ELAVL4: variants seen among roughly 807,000 people sequenced by gnomAD.
ELAVL4 encodes ELAV like RNA binding protein 4.
Under a neutral mutation model 35.6 loss-of-function variants are expected in ELAVL4, and 1 was observed. That is an observed-to-expected ratio of 0.03 (90% CI 0.01 to 0.13). The LOEUF is 0.13. Ranked by LOEUF, ELAVL4 falls within the 10% of genes least tolerant of loss-of-function variation. ELAVL4 has a pLI of 1.00. For synonymous variants in ELAVL4, 156 were observed against 171.0 expected (o/e 0.91, Z 0.69); for missense variants, 267 against 464.9 (o/e 0.57, Z 3.91).
intron 1 of ELAVL4, among the ~76,000 whole-genome samples, chr1:50,135,064 G>A (rs563850282): frequency 6.6e-6 from 1 of 152,216 alleles, no homozygotes; most frequent in African/African-American, 2.4e-5. Context: ...TGCTGGCCCT[G>A]CTATTTTAAG....
intron 1 of ELAVL4, among the ~76,000 whole-genome samples, chr1:50,142,738 C>G (rs1673038990): frequency 6.6e-6 from 1 of 152,128 alleles, no homozygotes; most frequent in Non-Finnish European, 1.5e-5. Flanking sequence ...TATACATACA[C>G]CCTATGATCC....
At chr1:50,097,052 C>CTAAAAA (rs948043493) in intron 1 of ELAVL4, among the ~76,000 whole-genome samples, 5 of 151,920 alleles carry the variant, frequency 3.3e-5, no homozygotes, top group Admixed American at 6.6e-5. Context: ...CTTGTCTCTA[C>CTAAAAA]TAAAAATAAA....
chr1:50,084,230 T>A (rs1665134928), intron 1 of ELAVL4, among the ~76,000 whole-genome samples: 2 of 152,234 alleles, frequency 1.3e-5, no homozygotes, highest in South Asian at 2.1e-4. Flanking sequence ...AGTAGTAATT[T>A]TTTTAAAGTT....
rs1644427290 is a variant in ELAVL4, at chr1:50,202,471, A to G, written c.*1293A>G. ...AATTCACTTTGTAGCCCATGCTGAT[A>G]GAATTGGGCTGTGTTGGTACATTTG... On this transcript the variant is annotated 3_prime_UTR_variant, in exon 7 of 7. Transcript: ENST00000371824. The G allele has an allele frequency of 6.6e-6, 1 of 152,200 alleles. No individual in the cohort carries two copies. Among genetic ancestry groups the G allele is most frequent in the African/African-American group, 2.4e-5 (1 of 41,464 alleles). 9.4% of individuals were successfully genotyped at this position (152,200 alleles called of 1,614,324 possible).
intron 1 of ELAVL4, among the ~76,000 whole-genome samples, chr1:50,059,494 A>T (rs1431810484): frequency 6.6e-6 from 1 of 151,886 alleles, no homozygotes; most frequent in African/African-American, 2.4e-5. Context: ...ATGAGATACC[A>T]CTTTACACCT....
chr1:50,108,826 A>G (rs1383687007), upstream of ELAVL4: 10 of 757,786 alleles, frequency 1.3e-5, no homozygotes, highest in Non-Finnish European at 1.5e-5. Context: ...ATAGCACCTG[A>G]TGTTGCAACG....
chr1:50,114,462 A>G (rs1188139465), intron 1 of ELAVL4, among the ~76,000 whole-genome samples: 1 of 152,050 alleles, frequency 6.6e-6, no homozygotes, highest in Non-Finnish European at 1.5e-5. Context: ...TAAGGGTAAA[A>G]AAAAAAGAAA....
In ELAVL4 at chr1:50,201,267, G is replaced by C. The variant is rs1003473537; in HGVS notation, c.*89G>C. 6 of 1,382,146 alleles carry C rather than the reference G, an allele frequency of 4.3e-6. No individual in the cohort carries two copies. In the African/African-American group the frequency reaches 5.9e-5, roughly 14 times the overall value. The allele number at this position is 1,382,146 out of a possible 1,614,324, so 85.6% of individuals were successfully genotyped here. Reference sequence around the variant, plus strand: ...CACACACACATACACGAAAGAGAGAGAAACAAACTTTTCAAGGCTTATATT... The same window carrying C: ...CACACACACATACACGAAAGAGAGACAAACAAACTTTTCAAGGCTTATATT... On this transcript the variant is annotated 3_prime_UTR_variant, in exon 7 of 7. Coordinates refer to ENST00000371824, the MANE Select transcript of ELAVL4 (RefSeq NM_001144774.3). This position sits in a 1 kb window ranked among gnomAD's most constrained non-coding sequence, Gnocchi z 4.3.
At chr1:50,086,627 A>G (rs1390061815) in intron 1 of ELAVL4, among the ~76,000 whole-genome samples, 2 of 152,044 alleles carry the variant, frequency 1.3e-5, no homozygotes, top group Non-Finnish European at 2.9e-5. Flanking sequence ...GACTCTCTGC[A>G]ATGGAATTAA....
chr1:50,110,142 G>A (rs1666817237), intron 1 of ELAVL4, among the ~76,000 whole-genome samples: 1 of 152,078 alleles, frequency 6.6e-6, no homozygotes, highest in African/African-American at 2.4e-5. Flanking sequence ...CTGAAAACCA[G>A]AATCCATCTC....
At position 50,109,016 on chromosome 1, in the gene ELAVL4, C is replaced by CGGGGGCGGGGGG; in HGVS notation, c.-174_-173insGGGGGCGGGGGG. ...CTCCTTTTCTTTTTTTTCTTTCTCT[C>CGGGGGCGGGGGG]CCCCGCCCACCCCCCCAAAAATAAT... On this transcript the variant is annotated 5_prime_UTR_variant, in exon 1 of 7. Transcript: ENST00000371824. 1.1e-6 allele frequency: 1 copy of CGGGGGCGGGGGG among 905,796 alleles called. No individual in the cohort carries two copies. Among genetic ancestry groups the CGGGGGCGGGGGG allele is most frequent in the Non-Finnish European group, 1.3e-6 (1 of 761,410 alleles). 56.1% of individuals were successfully genotyped at this position (905,796 alleles called of 1,614,324 possible).
At chr1:50,099,385 A>G (rs1448226603), upstream of ELAVL4, among the ~76,000 whole-genome samples, 1 of 152,004 alleles carries the variant, frequency 6.6e-6, no homozygotes, top group African/African-American at 2.4e-5. Flanking sequence ...ACATGGAGAA[A>G]TCCTGTCTCT....
intron 1 of ELAVL4, among the ~76,000 whole-genome samples, chr1:50,053,679 C>T (rs1663512786): frequency 6.6e-6 from 1 of 152,122 alleles, no homozygotes; most frequent in Non-Finnish European, 1.5e-5. Context: ...CTGGTATGGA[C>T]CTGGCCCAGT....
In ELAVL4 at chr1:50,133,330, T is replaced by A. The variant is rs143269158; in HGVS notation, c.10-11627T>A. 3.9e-5 allele frequency among the ~76,000 whole-genome samples: 6 copies of A among 152,246 alleles called. No homozygotes were observed. The South Asian group carries it at 1.2e-3, about 32-fold the overall frequency. On this transcript the variant is annotated intron_variant, in intron 1 of 6. Coordinates refer to ENST00000371824, the MANE Select transcript of ELAVL4 (RefSeq NM_001144774.3). Reference sequence around the variant, plus strand: ...ACAGTTGCAAACCTTAAATTTCTAGTTTCCATGTAAACATGTTGCCCACAA... The same window carrying A: ...ACAGTTGCAAACCTTAAATTTCTAGATTCCATGTAAACATGTTGCCCACAA...
upstream of ELAVL4, among the ~76,000 whole-genome samples, chr1:50,100,338 T>C (rs1270737922): frequency 6.6e-6 from 1 of 152,184 alleles, no homozygotes; most frequent in Non-Finnish European, 1.5e-5. Flanking sequence ...ATCCCTCTGT[T>C]TATAGCTTTT....
In ELAVL4 at chr1:50,109,016, C is replaced by CGGGGGGGGGGGGGGGGCG; in HGVS notation, c.-174_-173insGGGGGGGGGGGGGGGGCG. The CGGGGGGGGGGGGGGGGCG allele has an allele frequency of 1.1e-6, 1 of 905,790 alleles. No individual in the cohort carries two copies. The highest frequency in any genetic ancestry group is 1.3e-6 in the Non-Finnish European group (1 of 761,408). The allele number at this position is 905,790 out of a possible 1,614,324, so 56.1% of individuals were successfully genotyped here. On this transcript the variant is annotated 5_prime_UTR_variant, in exon 1 of 7. Coordinates refer to ENST00000371824, the MANE Select transcript of ELAVL4 (RefSeq NM_001144774.3). The stretch of plus-strand genomic sequence containing the variant: ...CTCCTTTTCTTTTTTTTCTTTCTCT[C>CGGGGGGGGGGGGGGGGCG]CCCCGCCCACCCCCCCAAAAATAAT...
intron 1 of ELAVL4, among the ~76,000 whole-genome samples, chr1:50,095,044 G>A (rs1463684782): frequency 1.3e-5 from 2 of 152,116 alleles, no homozygotes; most frequent in African/African-American, 2.4e-5. Flanking sequence ...TGCTTGGGAG[G>A]CCTCAGCAAT....
intron 1 of ELAVL4, among the ~76,000 whole-genome samples, chr1:50,079,212 C>G (rs1664895549): frequency 1.3e-5 from 2 of 152,116 alleles, no homozygotes; most frequent in Non-Finnish European, 1.5e-5. Flanking sequence ...CAGGTGTGTG[C>G]CACTACACCT....
chr1:50,186,164 T>C lies in ELAVL4; in HGVS notation c.355-7601T>C, dbSNP rs185734074. ...TGGCCTACTAGGTGCCAGACACCCT[T>C]ATGATATTCGTAGATACCCTTTAAC... On this transcript the variant is annotated intron_variant, in intron 3 of 6. Transcript: ENST00000371824. Among the ~76,000 whole-genome samples, 20 of 152,348 alleles carry C rather than the reference T, an allele frequency of 1.3e-4. No homozygotes were observed. In the East Asian group the frequency reaches 3.9e-3, roughly 29 times the overall value.
Sources: gnomAD v4.1 joint callset for allele counts (sites outside exome capture counted in the v4.1 genomes callset) on GRCh38, gnomAD v4.1.1 for gene constraint, Gnocchi (gnomAD v3.1) non-coding constraint, MANE v1.5 for transcripts, NCBI Gene and HGNC (gene_info 2026-07-23, HGNC 2026-07-21) for gene names.